PTPRD: variants seen among roughly 807,000 people sequenced by gnomAD.
The protein encoded by PTPRD is receptor-type tyrosine-protein phosphatase delta.
PTPRD carries 34 observed loss-of-function variants against 214.5 expected under a neutral mutation model. The ratio of observed to expected loss-of-function variants is 0.16; its 90% CI spans 0.12 to 0.21. PTPRD has a LOEUF of 0.21. Among genes scored for constraint, PTPRD ranks in the 10% least tolerant of loss-of-function variants. PTPRD has a pLI of 1.00. For synonymous variants in PTPRD, 1,128 were observed against 845.7 expected (o/e 1.33, Z -5.79); for missense variants, 2,545 against 2,398.7 (o/e 1.06, Z -1.27).
At chr9:8,738,573 G>C (rs1011144864) in intron 11 of PTPRD, among the ~76,000 whole-genome samples, 5 of 151,194 alleles carry the variant, frequency 3.3e-5, no homozygotes, top group African/African-American at 9.7e-5. Context: ...AAAAATCCAA[G>C]ATGATGAGGT....
At chr9:8,776,615 G>A (rs1376704704) in intron 11 of PTPRD, among the ~76,000 whole-genome samples, 2 of 151,948 alleles carry the variant, frequency 1.3e-5, no homozygotes, top group Non-Finnish European at 2.9e-5. Context: ...TTATTAAAAT[G>A]AAAGCAATGA....
intron 3 of PTPRD, among the ~76,000 whole-genome samples, chr9:10,248,533 A>AAAAAAAAAAAAAAAAAAAAAAAAAC (rs60272481): frequency 7.8e-6 from 1 of 127,444 alleles, no homozygotes; most frequent in Non-Finnish European, 1.6e-5. Flanking sequence ...AAAATAAAAA[A>AAAAAAAAAAAAAAAAAAAAAAAAAC]AATAAAGCGA....
At chr9:9,780,541 C>G (rs2098835121) in intron 5 of PTPRD, among the ~76,000 whole-genome samples, 1 of 152,026 alleles carries the variant, frequency 6.6e-6, no homozygotes, top group African/African-American at 2.4e-5. Context: ...GAGTTACCAC[C>G]AAATGTTAGC....
At chr9:9,210,604 C>T (rs2099947897) in intron 9 of PTPRD, among the ~76,000 whole-genome samples, 1 of 152,026 alleles carries the variant, frequency 6.6e-6, no homozygotes, top group African/African-American at 2.4e-5. Context: ...CTTGAGAACA[C>T]TTGCAAATGT....
At chr9:9,108,801 G>A (rs1030252252) in intron 10 of PTPRD, among the ~76,000 whole-genome samples, 1 of 152,174 alleles carries the variant, frequency 6.6e-6, no homozygotes, top group African/African-American at 2.4e-5. Flanking sequence ...CAAGCACTGT[G>A]TAACTGCTGA....
chr9:9,923,251 T>TTTC (rs1041166446), intron 5 of PTPRD, among the ~76,000 whole-genome samples: 5 of 148,892 alleles, frequency 3.4e-5, no homozygotes, highest in African/African-American at 1.3e-4. Context: ...TTCTGTTAGT[T>TTTC]TTTTTTTTCA....
chr9:8,956,080 C>G (rs2099130065), intron 11 of PTPRD, among the ~76,000 whole-genome samples: 1 of 151,844 alleles, frequency 6.6e-6, no homozygotes, highest in Non-Finnish European at 1.5e-5. Flanking sequence ...GGTGGAAATC[C>G]TATACAAATG....
rs1599452731 is a variant in PTPRD, at chr9:9,842,245, A to G, written c.-367-75394T>C. ...TTATGGTTGTCTTTTTAGATTAATT[A>G]TGAAGGGCAATGATTCAAAACACAA... On this transcript the variant is annotated intron_variant, in intron 5 of 45. Coordinates refer to ENST00000381196, the MANE Select transcript of PTPRD (RefSeq NM_002839.4). Among the ~76,000 whole-genome samples, 4 of 149,958 alleles carry G rather than the reference A, an allele frequency of 2.7e-5. No homozygotes were observed. In the South Asian group the frequency reaches 8.4e-4, roughly 32 times the overall value.
intron 3 of PTPRD, among the ~76,000 whole-genome samples, chr9:10,132,876 G>T (rs922231491): frequency 9.9e-5 from 15 of 152,106 alleles, no homozygotes; most frequent in African/African-American, 3.4e-4. Context: ...TGGTGTTTAT[G>T]CCCTTATGCA....
intron 9 of PTPRD, among the ~76,000 whole-genome samples, chr9:9,388,658 C>A (rs2064746977): frequency 6.6e-6 from 1 of 151,822 alleles, no homozygotes; most frequent in Admixed American, 6.6e-5. Flanking sequence ...ACAGATTGTA[C>A]CAGGAAAGTT....
intron 7 of PTPRD, among the ~76,000 whole-genome samples, chr9:9,726,243 T>C (rs2098088528): frequency 6.6e-6 from 1 of 152,144 alleles, no homozygotes; most frequent in African/African-American, 2.4e-5. Context: ...CTATCGGATA[T>C]CCGCATAACA....
chr9:10,054,312 T>A (rs1190943312), intron 3 of PTPRD, among the ~76,000 whole-genome samples: 1 of 152,158 alleles, frequency 6.6e-6, no homozygotes, highest in Non-Finnish European at 1.5e-5. Context: ...AGCAGAGAAA[T>A]TTTATGCGTC....
chr9:8,767,706 TTTAA>T (rs2094869566), intron 11 of PTPRD, among the ~76,000 whole-genome samples: 1 of 152,168 alleles, frequency 6.6e-6, no homozygotes. Context: ...TGTTTGTTTT[TTTAA>T]TTCGGATGCT....
chr9:9,890,687 T>C (rs2072996538), intron 5 of PTPRD, among the ~76,000 whole-genome samples: 1 of 151,764 alleles, frequency 6.6e-6, no homozygotes, highest in African/African-American at 2.4e-5. Context: ...ACAGAGACTC[T>C]GTGCAAAAGG....
At chr9:9,996,201 A>AT (rs1344401034) in intron 4 of PTPRD, among the ~76,000 whole-genome samples, 1 of 152,200 alleles carries the variant, frequency 6.6e-6, no homozygotes, top group Non-Finnish European at 1.5e-5. Flanking sequence ...TTGGTCTGAT[A>AT]TCCTACTATG....
intron 9 of PTPRD, among the ~76,000 whole-genome samples, chr9:9,330,714 T>C (rs1272987485): frequency 2.6e-5 from 4 of 151,978 alleles, no homozygotes; most frequent in Non-Finnish European, 4.4e-5. Flanking sequence ...CAAACTCATA[T>C]ATAATATTGA....
chr9:10,519,215 C>T (rs1358860671), intron 2 of PTPRD, among the ~76,000 whole-genome samples: 2 of 116,172 alleles, frequency 1.7e-5, no homozygotes, highest in African/African-American at 3.3e-5. Flanking sequence ...TCATTTTATT[C>T]AGCGGGAGAA....
At chr9:9,767,337 T>C (rs1301091737) in intron 5 of PTPRD, among the ~76,000 whole-genome samples, 1 of 152,028 alleles carries the variant, frequency 6.6e-6, no homozygotes, top group Non-Finnish European at 1.5e-5. Context: ...ACTTTTATAG[T>C]AATAATGTTT....
intron 34 of PTPRD, among the ~76,000 whole-genome samples, chr9:8,447,411 C>G (rs2095774246): frequency 6.6e-6 from 1 of 152,164 alleles, no homozygotes; most frequent in South Asian, 2.1e-4. Flanking sequence ...TTTCTGGTAT[C>G]TTACCTAAAA....
Sources: allele counts gnomAD v4.1 joint callset (sites outside exome capture counted in the v4.1 genomes callset), GRCh38; gene constraint gnomAD v4.1.1; transcripts MANE v1.5; gene names NCBI Gene and HGNC (gene_info 2026-07-23, HGNC 2026-07-21).